CSMD1: variants seen among roughly 807,000 people sequenced by gnomAD.
CSMD1 encodes CUB and Sushi multiple domains 1.
In CSMD1, 213 loss-of-function variants were observed where a neutral mutation model predicts 417.5. The observed-to-expected ratio is 0.51, with a 90% CI of 0.46 to 0.57. The LOEUF (loss-of-function observed/expected upper bound fraction) is 0.57. Ranked by LOEUF, CSMD1 falls within the 20% of genes least tolerant of loss-of-function variation. The probability of loss-of-function intolerance (pLI) is 0.00; values close to 1 mark genes in which losing one functional copy is unlikely to be tolerated. For synonymous variants in CSMD1, 2,862 were observed against 1,736.8 expected, an observed-to-expected ratio of 1.65 and a Z score of -16.11; for missense variants, 6,923 against 4,529.7, an observed-to-expected ratio of 1.53 and a Z score of -15.17.
chr8:4,136,089 A>G (rs528677440), intron 3 of CSMD1, among the ~76,000 whole-genome samples: 26 of 152,332 alleles, frequency 1.7e-4, no homozygotes, highest in African/African-American at 5.5e-4. Flanking sequence ...CTGACTCAGC[A>G]AAAGGACTTC....
At position 4,914,874 on chromosome 8, in the gene CSMD1, C is replaced by T. The variant is rs148022089; in HGVS notation, c.85+79458G>A. On this transcript the variant is annotated intron_variant, in intron 1 of 69. Coordinates refer to ENST00000635120, the MANE Select transcript of CSMD1 (RefSeq NM_033225.6). The stretch of plus-strand genomic sequence containing the variant: ...TGCTATTTCACCTTCACCTCCTGAA[C>T]TCACAAGAAAGACATGGGGTATTCC... Among the ~76,000 whole-genome samples, 308 of 152,276 alleles carry T rather than the reference C, an allele frequency of 2.0e-3. 1 individual carries two copies. The highest frequency in any genetic ancestry group is 6.8e-3 in the Middle Eastern group (2 of 294).
intron 7 of CSMD1, among the ~76,000 whole-genome samples, chr8:3,635,497 T>C (rs1432436055): frequency 6.7e-6 from 1 of 149,768 alleles, no homozygotes; most frequent in African/African-American, 2.4e-5. Context: ...TTTTTTTTTT[T>C]TTTTGAGACA....
intron 26 of CSMD1, among the ~76,000 whole-genome samples, chr8:3,256,353 GAAAC>G (rs1468509392): frequency 1.3e-5 from 2 of 150,874 alleles, no homozygotes; most frequent in Non-Finnish European, 3.0e-5. Flanking sequence ...AGAAAGGAAG[GAAAC>G]AAACCACAAC....
chr8:4,210,482 A>T (rs1800240351), intron 3 of CSMD1, among the ~76,000 whole-genome samples: 1 of 152,236 alleles, frequency 6.6e-6, no homozygotes, highest in Non-Finnish European at 1.5e-5. Flanking sequence ...CAAACAGACA[A>T]TAATTCAGGA....
intron 23 of CSMD1, among the ~76,000 whole-genome samples, chr8:3,331,886 T>C (rs1472769665): frequency 1.3e-5 from 2 of 152,232 alleles, no homozygotes; most frequent in Non-Finnish European, 2.9e-5. Context: ...TAGAGTGTCC[T>C]GTCCTCCAGA....
intron 23 of CSMD1, among the ~76,000 whole-genome samples, chr8:3,329,805 C>T (rs1157806031): frequency 1.3e-5 from 2 of 152,176 alleles, no homozygotes; most frequent in East Asian, 1.9e-4. Context: ...TGCCTTCTCT[C>T]CTTGTCTGCT....
At chr8:4,428,919 G>T (rs1456442143) in intron 2 of CSMD1, among the ~76,000 whole-genome samples, 1 of 151,888 alleles carries the variant, frequency 6.6e-6, no homozygotes, top group African/African-American at 2.4e-5. Flanking sequence ...TTCACCATTT[G>T]GCCAGGCTGG....
At chr8:3,294,926 G>A (rs915225953) in intron 25 of CSMD1, among the ~76,000 whole-genome samples, 2 of 152,034 alleles carry the variant, frequency 1.3e-5, no homozygotes, top group Non-Finnish European at 2.9e-5. Flanking sequence ...CATGCTGGGA[G>A]CTGTAGACTG....
intron 23 of CSMD1, among the ~76,000 whole-genome samples, chr8:3,328,605 T>G (rs930416356): frequency 1.3e-5 from 2 of 152,178 alleles, no homozygotes; most frequent in Non-Finnish European, 2.9e-5. Flanking sequence ...GTACATATAG[T>G]GGGCTATGTG....
intron 6 of CSMD1, among the ~76,000 whole-genome samples, chr8:3,733,179 AC>A (rs1796352255): frequency 1.3e-5 from 1 of 78,078 alleles, no homozygotes. Flanking sequence ...ACACACACAC[AC>A]ACACACACAC....
intron 12 of CSMD1, among the ~76,000 whole-genome samples, chr8:3,439,253 C>T (rs1344567200): frequency 8.0e-6 from 1 of 124,842 alleles, no homozygotes; most frequent in Non-Finnish European, 1.6e-5. Context: ...GACTCAACTT[C>T]TCTATTTGAG....
intron 3 of CSMD1, among the ~76,000 whole-genome samples, chr8:4,254,238 C>G (rs1803285877): frequency 6.6e-6 from 1 of 152,150 alleles, no homozygotes; most frequent in Non-Finnish European, 1.5e-5. Flanking sequence ...CTTTAGCTTT[C>G]CCTCTCTTCA....
chr8:4,810,797 A>C (rs190301697), intron 1 of CSMD1, among the ~76,000 whole-genome samples: 111 of 152,346 alleles, frequency 7.3e-4, no homozygotes, highest in Middle Eastern at 6.8e-3. Context: ...TCACCAATAT[A>C]ATAAATCATA....
At chr8:4,176,267 C>T (rs760892323) in intron 3 of CSMD1, among the ~76,000 whole-genome samples, 1 of 152,002 alleles carries the variant, frequency 6.6e-6, no homozygotes, top group African/African-American at 2.4e-5. Flanking sequence ...GATTAGACTG[C>T]AAAAAATGAG....
chr8:4,042,259 G>A (rs1797928907), intron 3 of CSMD1, among the ~76,000 whole-genome samples: 4 of 152,116 alleles, frequency 2.6e-5, no homozygotes, highest in South Asian at 2.1e-4. Context: ...ATACAGCAAT[G>A]AAGAAAAAAT....
At chr8:4,459,350 C>A (rs1049732753) in intron 2 of CSMD1, among the ~76,000 whole-genome samples, 3 of 152,180 alleles carry the variant, frequency 2.0e-5, no homozygotes, top group African/African-American at 7.2e-5. Context: ...ATCAAGCTCT[C>A]ACCTCAGACC....
chr8:3,888,452 AT>A (rs761546090), intron 5 of CSMD1, among the ~76,000 whole-genome samples: 7 of 152,210 alleles, frequency 4.6e-5, no homozygotes, highest in African/African-American at 7.2e-5. Flanking sequence ...CAAATGCATA[AT>A]TAAAAAGAAG....
intron 2 of CSMD1, among the ~76,000 whole-genome samples, chr8:4,461,675 T>A (rs527789900): frequency 6.6e-6 from 1 of 151,240 alleles, no homozygotes; most frequent in African/African-American, 2.4e-5. Context: ...CTCAGCCTGC[T>A]GTATAGCTGG....
At chr8:3,705,183 G>C (rs1298593909) in intron 7 of CSMD1, among the ~76,000 whole-genome samples, 1 of 152,180 alleles carries the variant, frequency 6.6e-6, no homozygotes. Flanking sequence ...AGTCGCCACT[G>C]AGCTGTGGCT....
Sources: allele counts gnomAD v4.1 joint callset (sites outside exome capture counted in the v4.1 genomes callset), GRCh38; gene constraint gnomAD v4.1.1; transcripts MANE v1.5; gene names NCBI Gene and HGNC (gene_info 2026-07-23, HGNC 2026-07-21).